TMPRSS6: variants seen among roughly 807,000 people sequenced by gnomAD.
TMPRSS6 encodes transmembrane protease serine 6.
TMPRSS6 carries 67 observed loss-of-function variants against 101.5 expected under a neutral mutation model. The ratio of observed to expected loss-of-function variants is 0.66; its 90% confidence interval spans 0.54 to 0.81. TMPRSS6 has a LOEUF of 0.81. TMPRSS6 is among the 30% of genes least tolerant of loss of function. The pLI, the probability that TMPRSS6 is intolerant of heterozygous loss-of-function variation, is 0.00. For missense variants in TMPRSS6, 1,034 were observed against 1,088.7 expected, an observed-to-expected ratio of 0.95 and a Z score of 0.71; for synonymous variants, 453 against 464.9, an observed-to-expected ratio of 0.97 and a Z score of 0.33.
intron 10 of TMPRSS6, among the ~76,000 whole-genome samples, chr22:37,077,995 C>T (rs1179543835): frequency 6.6e-6 from 1 of 152,226 alleles, no homozygotes; most frequent in East Asian, 1.9e-4. Context: ...CCTGAGCAAG[C>T]CTGGCCCTCT....
At chr22:37,098,001 C>G (rs13057413) in intron 3 of TMPRSS6, among the ~76,000 whole-genome samples, 9 of 41,096 alleles carry the variant, frequency 2.2e-4, no homozygotes, top group Admixed American at 7.1e-4. Context: ...AACGGAGGGG[C>G]AGGAGCGGCC....
At position 37,098,425 on chromosome 22, in the gene TMPRSS6, G is replaced by A. The variant is rs759968036; in HGVS notation, c.327C>T (p.Ala109=). The change falls in exon 3 of 18, where the codon GCC becomes GCT. Residue 109 remains alanine (A), a synonymous_variant. Coordinates refer to ENST00000676104, the MANE Select transcript of TMPRSS6 (RefSeq NM_001374504.1). ...SSAFRSETAK[A]QKMLKELITS... Reference sequence around the variant, plus strand: ...CCAGATCCTTTCCTACCATCTTCTGGGCTTTGGCGGTTTCACTGCGGAAGG... The same window carrying A: ...CCAGATCCTTTCCTACCATCTTCTGAGCTTTGGCGGTTTCACTGCGGAAGG... 1.2e-6 allele frequency: 2 copies of A among 1,613,716 alleles called. No homozygotes were observed. Among genetic ancestry groups the A allele is most frequent in the Non-Finnish European group, 1.7e-6 (2 of 1,179,984 alleles).
intron 16 of TMPRSS6, 87 bp from the exon 17 acceptor site, chr22:37,067,049 C>G (rs527340636): frequency 3.8e-6 from 6 of 1,588,524 alleles, no homozygotes; most frequent in Non-Finnish European, 5.1e-6. Context: ...CTTTGCATCT[C>G]AGGAGCCTAC....
At position 37,091,136 on chromosome 22, in the gene TMPRSS6, T is replaced by C. The variant is rs1929224500; in HGVS notation, c.632-1354A>G. On this transcript the variant is annotated intron_variant, in intron 6 of 17. Coordinates refer to ENST00000676104, the MANE Select transcript of TMPRSS6 (RefSeq NM_001374504.1). ...CAAAACAGTGACTGTGCACCGACTGTGTGTTCGATCTAGGCACCAGGGTCT... is the reference window on the plus strand; with the variant it reads ...CAAAACAGTGACTGTGCACCGACTGCGTGTTCGATCTAGGCACCAGGGTCT... Among the ~76,000 whole-genome samples the C allele has an allele frequency of 1.3e-5, 2 of 152,182 alleles. 1 individual carries two copies. The highest frequency in any genetic ancestry group is 4.1e-4 in the South Asian group (2 of 4,828).
chr22:37,103,445 A>C lies in TMPRSS6; in HGVS notation c.-1-27T>G. The C allele has an allele frequency of 6.2e-7, 1 of 1,614,228 alleles. No individual in the cohort carries two copies. The highest frequency in any genetic ancestry group is 2.2e-5 in the East Asian group (1 of 44,878). On this transcript the variant is annotated intron_variant, in intron 1 of 17. Coordinates refer to ENST00000676104, the MANE Select transcript of TMPRSS6 (RefSeq NM_001374504.1). The surrounding 1 kb of genome is among the most constrained non-coding windows in gnomAD (Gnocchi z 4.4). The stretch of plus-strand genomic sequence containing the variant: ...TGCCAGGGAAACAGACCAAAGTTGG[A>C]AACAGCCTCGCATTTGCAAGGGAGC...
intron 6 of TMPRSS6, among the ~76,000 whole-genome samples, chr22:37,094,389 A>AGATG (rs147937314): frequency 2.7e-4 from 37 of 138,886 alleles, no homozygotes; most frequent in African/African-American, 1.0e-3. Flanking sequence ...GATGATAGAT[A>AGATG]GATAGATAGA....
chr22:37,073,507 A>G, intron 13 of TMPRSS6, 25 bp downstream of exon 13: 2 of 1,541,966 alleles, frequency 1.3e-6, no homozygotes, highest in Non-Finnish European at 1.8e-6. Flanking sequence ...GTGTCCCTCC[A>G]GACACTCGGC....
chr22:37,073,992 G>A lies in TMPRSS6; in HGVS notation c.1442-347C>T, dbSNP rs148226926. ...TTGAACTCCTGACCTCAGGTGATCC[G>A]CTCGACTCCGCCTCCCAAAGTGCTA... is the stretch of plus-strand genomic sequence containing the variant. On this transcript the variant is annotated intron_variant, in intron 12 of 17. Coordinates refer to ENST00000676104, the MANE Select transcript of TMPRSS6 (RefSeq NM_001374504.1). 3.8e-3 allele frequency among the ~76,000 whole-genome samples: 579 copies of A among 152,116 alleles called. 4 individuals are homozygous for A. Among genetic ancestry groups the A allele is most frequent in the South Asian group, 0.019 (91 of 4,804 alleles).
At position 37,069,328 on chromosome 22, in the gene TMPRSS6, G is replaced by C. The variant is rs753855312; in HGVS notation, c.1858C>G (p.Leu620Val). ...ACCTTGCCCAGGAACACGGTCCACA[G>C]CACCGTGGAGGCCATGCTGGGGTGG... The part of the protein sequence containing the change: ...FQEDSMASTV[L>V]WTVFLGKVWQ... The change falls in exon 16 of 18, where the codon CTG becomes GTG. Residue 620 changes from leucine (L) to valine (V), a missense_variant. By Grantham distance (32) the Leu-to-Val change is conservative. Coordinates refer to ENST00000676104, the MANE Select transcript of TMPRSS6 (RefSeq NM_001374504.1). This position sits in a 1 kb window ranked among gnomAD's most constrained non-coding sequence, Gnocchi z 4.8. 1 of 1,081,110 alleles carries C rather than the reference G, an allele frequency of 9.2e-7. No individual in the cohort carries two copies. Among genetic ancestry groups the C allele is most frequent in the South Asian group, 1.2e-5 (1 of 82,078 alleles). The allele number at this position is 1,081,110 out of a possible 1,614,324, so 67.0% of individuals were successfully genotyped here. A position where few individuals can be genotyped will look rare whatever the true frequency, so the allele number is the denominator to read the frequency against.
chr22:37,108,194 C>G (rs929773329), intron 1 of TMPRSS6, among the ~76,000 whole-genome samples: 1 of 152,204 alleles, frequency 6.6e-6, no homozygotes, highest in African/African-American at 2.4e-5. Context: ...CAAGAGCCCT[C>G]GTGGACCTTG....
chr22:37,104,893 G>A (rs997322916), intron 1 of TMPRSS6, among the ~76,000 whole-genome samples: 5 of 152,016 alleles, frequency 3.3e-5, no homozygotes, highest in African/African-American at 1.2e-4. Context: ...CCTGGTCAGG[G>A]GAGGTTGCAG....
At chr22:37,073,722 G>T (rs980806531) in intron 12 of TMPRSS6, 77 bp from the exon 13 acceptor site, 1 of 894,662 alleles carries the variant, frequency 1.1e-6, no homozygotes, top group Non-Finnish European at 1.9e-6. Flanking sequence ...GCCTGTAGAA[G>T]GTGTGCTGTA....
At chr22:37,100,190 C>A (rs1229781211) in intron 2 of TMPRSS6, among the ~76,000 whole-genome samples, 1 of 152,264 alleles carries the variant, frequency 6.6e-6, no homozygotes, top group Non-Finnish European at 1.5e-5. Flanking sequence ...TGGTCTCGAA[C>A]TCCTGACCTC....
Position 37,074,778 on chromosome 22 carries a change from C to T in TMPRSS6, c.1343-70G>A. 3 of 1,486,870 alleles carry T rather than the reference C, an allele frequency of 2.0e-6. No individual in the cohort carries two copies. In the South Asian group the frequency reaches 3.5e-5, roughly 17 times the overall value. 92.1% of individuals were successfully genotyped at this position (1,486,870 alleles called of 1,614,324 possible). A position where few individuals can be genotyped will look rare whatever the true frequency, so the allele number is the denominator to read the frequency against. On this transcript the variant is annotated intron_variant, in intron 11 of 17. Transcript: ENST00000676104. Reference sequence around the variant, plus strand: ...GGCCATGCGTAGCCGCGAAGGCGCACAAAGACACGCATGCACCTGTTCACT... The same window carrying T: ...GGCCATGCGTAGCCGCGAAGGCGCATAAAGACACGCATGCACCTGTTCACT...
chr22:37,084,962 T>C (rs113040183), intron 8 of TMPRSS6, 123 bp from the exon 9 acceptor site: 15,691 of 744,848 alleles, frequency 0.021, 238 homozygotes, highest in Non-Finnish European at 0.027. Flanking sequence ...TTGAATGTGA[T>C]TGTGTGAATC....
intron 3 of TMPRSS6, among the ~76,000 whole-genome samples, chr22:37,097,501 A>G (rs1251049031): frequency 6.6e-6 from 1 of 152,158 alleles, no homozygotes; most frequent in Non-Finnish European, 1.5e-5. Context: ...GTATTGATCC[A>G]CCCACTCCAG....
chr22:37,102,296 T>A (rs898048193), intron 2 of TMPRSS6, among the ~76,000 whole-genome samples: 7 of 152,220 alleles, frequency 4.6e-5, no homozygotes, highest in African/African-American at 1.4e-4. Context: ...AAATGTCAGG[T>A]CTGATGCCTT....
At chr22:37,099,949 T>C (rs888806596) in intron 2 of TMPRSS6, among the ~76,000 whole-genome samples, 2 of 142,258 alleles carry the variant, frequency 1.4e-5, no homozygotes, top group African/African-American at 5.0e-5. Flanking sequence ...AGGTGGTTTT[T>C]TTGTTTTCTT....
At chr22:37,096,580 C>T in intron 4 of TMPRSS6, 68 bp downstream of exon 4, 2 of 1,511,612 alleles carry the variant, frequency 1.3e-6, no homozygotes, top group Non-Finnish European at 1.8e-6. Flanking sequence ...CAGAAGCCTA[C>T]AGAGGCCCCT....
Sources: gnomAD v4.1 joint callset for allele counts (sites outside exome capture counted in the v4.1 genomes callset) on GRCh38, gnomAD v4.1.1 for gene constraint, Gnocchi (gnomAD v3.1) non-coding constraint, MANE v1.5 for transcripts, NCBI Gene and HGNC (gene_info 2026-07-23, HGNC 2026-07-21) for gene names.